Variants in LRBA observed in about 807,000 individuals in gnomAD.
The protein encoded by LRBA is LPS responsive beige-like anchor protein.
Under a neutral mutation model 330.0 loss-of-function variants are expected in LRBA, and 176 were observed. That is an observed-to-expected ratio of 0.53 (90% CI 0.47 to 0.60). The LOEUF is 0.60. Among genes scored for constraint, LRBA ranks in the 20% least tolerant of loss-of-function variants. The probability of loss-of-function intolerance (pLI) is 0.00; values close to 1 mark genes in which losing one functional copy is unlikely to be tolerated. For missense variants in LRBA, 3,259 were observed against 3,444.8 expected (o/e 0.95, Z 1.35); for synonymous variants, 1,230 against 1,193.0 (o/e 1.03, Z -0.64).
chr4:150,734,133 T>C (rs149040013), intron 36 of LRBA, among the ~76,000 whole-genome samples: 10 of 152,278 alleles, frequency 6.6e-5, no homozygotes, highest in Non-Finnish European at 1.5e-4. Flanking sequence ...TGTTTTCTTA[T>C]ATAAATCTTT....
At chr4:150,940,762 C>T (rs1055531897) in intron 2 of LRBA, among the ~76,000 whole-genome samples, 2 of 151,894 alleles carry the variant, frequency 1.3e-5, no homozygotes, top group Non-Finnish European at 2.9e-5. Flanking sequence ...ATTTCTATGT[C>T]TTTTTATTTA....
intron 28 of LRBA, among the ~76,000 whole-genome samples, chr4:150,837,058 T>A (rs1254891233): frequency 2.6e-5 from 4 of 152,220 alleles, no homozygotes; most frequent in Non-Finnish European, 4.4e-5. Context: ...ATGTACCCAG[T>A]AGTCATTCAG....
At chr4:150,575,847 A>G (rs1353959533) in intron 40 of LRBA, among the ~76,000 whole-genome samples, 2 of 151,882 alleles carry the variant, frequency 1.3e-5, no homozygotes, top group African/African-American at 4.8e-5. Flanking sequence ...ATCTTCATAA[A>G]CAAAAGATAT....
chr4:150,809,889 CGATA>C (rs1743414391), intron 31 of LRBA, among the ~76,000 whole-genome samples: 1 of 148,800 alleles, frequency 6.7e-6, no homozygotes, highest in Admixed American at 6.7e-5. Context: ...CGATACGATA[CGATA>C]CGATACGATA....
intron 30 of LRBA, among the ~76,000 whole-genome samples, chr4:150,827,428 C>T (rs1746430030): frequency 6.6e-6 from 1 of 152,050 alleles, no homozygotes; most frequent in African/African-American, 2.4e-5. Flanking sequence ...CTTCCCCTTT[C>T]ACTTTCTCCA....
chr4:150,508,852 A>G lies in LRBA; in HGVS notation c.6331-17817T>C, dbSNP rs550620257. On this transcript the variant is annotated intron_variant, in intron 40 of 56. Coordinates refer to ENST00000651943, the MANE Select transcript of LRBA (RefSeq NM_001364905.1). ...AGATACAAAGGAGTTGAACAAGACC[A>G]TCAACCAACAGAACCTAACTGACAT... 6.6e-5 allele frequency among the ~76,000 whole-genome samples: 10 copies of G among 152,346 alleles called. No individual in the cohort carries two copies. The South Asian group carries it at 1.9e-3, about 28-fold the overall frequency.
intron 42 of LRBA, among the ~76,000 whole-genome samples, chr4:150,473,436 A>G (rs533040758): frequency 1.3e-5 from 2 of 152,336 alleles, no homozygotes; most frequent in South Asian, 4.1e-4. Context: ...CTGTGATGGC[A>G]TTTCCAGAGA....
intron 37 of LRBA, among the ~76,000 whole-genome samples, chr4:150,622,610 C>A (rs1046402344): frequency 1.1e-4 from 16 of 151,058 alleles, no homozygotes; most frequent in Admixed American, 6.6e-4. Context: ...AGTACTCTTC[C>A]GGGGGAAAAT....
At chr4:150,352,093 T>C (rs1183375779) in intron 47 of LRBA, among the ~76,000 whole-genome samples, 1 of 152,222 alleles carries the variant, frequency 6.6e-6, no homozygotes, top group Non-Finnish European at 1.5e-5. Context: ...TATCTGGTAA[T>C]GTATCTCATT....
chr4:150,882,829 C>T (rs1255777235), intron 17 of LRBA, among the ~76,000 whole-genome samples: 1 of 152,162 alleles, frequency 6.6e-6, no homozygotes, highest in African/African-American at 2.4e-5. Flanking sequence ...TCAGAAAACA[C>T]AGTCACTTCT....
intron 40 of LRBA, among the ~76,000 whole-genome samples, chr4:150,517,494 C>T (rs1299099008): frequency 1.3e-5 from 2 of 152,072 alleles, no homozygotes; most frequent in Non-Finnish European, 2.9e-5. Flanking sequence ...ACACTCCAGC[C>T]TGGGCAACAG....
At chr4:150,548,057 G>T (rs996150145) in intron 40 of LRBA, among the ~76,000 whole-genome samples, 1 of 152,072 alleles carries the variant, frequency 6.6e-6, no homozygotes, top group Non-Finnish European at 1.5e-5. Context: ...AAAAGCAAAA[G>T]AATATGCTTT....
At chr4:150,692,932 CAG>C in intron 36 of LRBA, among the ~76,000 whole-genome samples, 1 of 152,208 alleles carries the variant, frequency 6.6e-6, no homozygotes, top group African/African-American at 2.4e-5. Flanking sequence ...TTCCACCATA[CAG>C]AAATGCACAA....
At chr4:150,431,527 T>C (rs1750374354) in intron 46 of LRBA, among the ~76,000 whole-genome samples, 2 of 152,186 alleles carry the variant, frequency 1.3e-5, no homozygotes, top group African/African-American at 4.8e-5. Flanking sequence ...AATAGAGACA[T>C]GTTGAGTATA....
At chr4:150,973,008 G>A (rs370497182) in intron 2 of LRBA, among the ~76,000 whole-genome samples, 20 of 152,138 alleles carry the variant, frequency 1.3e-4, no homozygotes, top group African/African-American at 4.1e-4. Flanking sequence ...AGTCTTGGCC[G>A]GGACTGGTGA....
chr4:150,906,518 G>A lies in LRBA; in HGVS notation c.1494-113C>T, dbSNP rs938725764. On this transcript the variant is annotated intron_variant, in intron 11 of 56. Coordinates refer to ENST00000651943, the MANE Select transcript of LRBA (RefSeq NM_001364905.1). Reference sequence around the variant, plus strand: ...TTAATAAAAAGTTCTCCATTTCAAAGAAATTGAAGCTCCACTAAAACTGCT... The same window carrying A: ...TTAATAAAAAGTTCTCCATTTCAAAAAAATTGAAGCTCCACTAAAACTGCT... 6.2e-5 allele frequency: 36 copies of A among 583,378 alleles called. 1 individual carries two copies. Among genetic ancestry groups the A allele is most frequent in the Non-Finnish European group, 1.0e-4 (33 of 330,768 alleles). The allele number at this position is 583,378 out of a possible 1,614,324, so 36.1% of individuals were successfully genotyped here. A position where few individuals can be genotyped will look rare whatever the true frequency, so the allele number is the denominator to read the frequency against.
intron 37 of LRBA, among the ~76,000 whole-genome samples, chr4:150,653,607 ATTGT>A (rs1561474776): frequency 6.6e-6 from 1 of 152,182 alleles, no homozygotes; most frequent in Non-Finnish European, 1.5e-5. Flanking sequence ...CTGCTACCAG[ATTGT>A]TTGTCATTTC....
chr4:150,840,821 C>T (rs995532411), intron 28 of LRBA: 14 of 655,744 alleles, frequency 2.1e-5, no homozygotes, highest in Non-Finnish European at 2.6e-5. Flanking sequence ...CGGCAACATG[C>T]AATAGCAAAG....
intron 40 of LRBA, among the ~76,000 whole-genome samples, chr4:150,574,833 T>G (rs1262691091): frequency 1.3e-5 from 2 of 152,020 alleles, no homozygotes; most frequent in Non-Finnish European, 2.9e-5. Context: ...ATATGATGAT[T>G]AACTAAGCAT....
Sources: allele counts gnomAD v4.1 joint callset (sites outside exome capture counted in the v4.1 genomes callset), GRCh38; gene constraint gnomAD v4.1.1; transcripts MANE v1.5; gene names NCBI Gene and HGNC (gene_info 2026-07-23, HGNC 2026-07-21).